The following OCA2 variants were observed in gnomAD, a reference collection of about 807,000 sequenced individuals.
OCA2 encodes OCA2 melanosomal transmembrane protein, also known as P protein.
OCA2 carries 77 observed loss-of-function variants against 100.2 expected under a neutral mutation model. The observed-to-expected ratio is 0.77, with a 90% CI of 0.64 to 0.93. The LOEUF is 0.93. Ranked by LOEUF, OCA2 falls within the 40% of genes least tolerant of loss-of-function variation. The pLI is 0.00. For missense variants in OCA2, 1,062 were observed against 1,089.1 expected (o/e 0.98, Z 0.35); for synonymous variants, 432 against 439.2 (o/e 0.98, Z 0.21).
At chr15:27,738,280 G>A in the OCA2 span, among the ~76,000 whole-genome samples, 1 of 152,166 alleles carries the variant, frequency 6.6e-6, no homozygotes. Context: ...AACCACAGAT[G>A]GTAAATAAAC....
intron 9 of OCA2, among the ~76,000 whole-genome samples, chr15:28,003,641 C>A (rs2041996820): frequency 6.6e-6 from 1 of 150,396 alleles, no homozygotes; most frequent in South Asian, 2.1e-4. Flanking sequence ...GTGAGCCGTG[C>A]GCAGGGCAGT....
chr15:27,965,763 C>T (rs992033241), intron 15 of OCA2, among the ~76,000 whole-genome samples: 1 of 152,222 alleles, frequency 6.6e-6, no homozygotes, highest in Non-Finnish European at 1.5e-5. Context: ...ACCCAGGCAA[C>T]CTGCACAGCA....
At chr15:27,924,832 A>T (rs1044808723) in intron 19 of OCA2, among the ~76,000 whole-genome samples, 1 of 152,174 alleles carries the variant, frequency 6.6e-6, no homozygotes, top group Non-Finnish European at 1.5e-5. Flanking sequence ...TAAGTATTAA[A>T]TGGGGGTGGA....
intron 23 of OCA2, among the ~76,000 whole-genome samples, chr15:27,797,030 G>T (rs1439481506): frequency 1.3e-5 from 2 of 152,176 alleles, no homozygotes; most frequent in Non-Finnish European, 2.9e-5. Context: ...TCAGTCATGA[G>T]CATTTCCTGG....
chr15:27,953,530 T>G (rs1000280955), intron 17 of OCA2, among the ~76,000 whole-genome samples: 1 of 152,174 alleles, frequency 6.6e-6, no homozygotes, highest in Non-Finnish European at 1.5e-5. Flanking sequence ...ATGCGGATTC[T>G]CACCAGGCAT....
At chr15:27,731,032 C>A in the OCA2 span, among the ~76,000 whole-genome samples, 1 of 151,690 alleles carries the variant, frequency 6.6e-6, no homozygotes, top group East Asian at 1.9e-4. Flanking sequence ...TACTTGCAGC[C>A]AAAGTCATCC....
chr15:28,045,100 T>A (rs898183565), intron 2 of OCA2, among the ~76,000 whole-genome samples: 7 of 152,340 alleles, frequency 4.6e-5, no homozygotes, highest in Middle Eastern at 3.4e-3. Flanking sequence ...TATTTGACAA[T>A]CTGTTCCTTG....
chr15:27,826,997 GC>G (rs2034751452), intron 23 of OCA2, among the ~76,000 whole-genome samples: 1 of 152,246 alleles, frequency 6.6e-6, no homozygotes, highest in African/African-American at 2.4e-5. Flanking sequence ...CCGGCAAGAT[GC>G]CCTTCCCTTG....
At chr15:28,067,947 T>C (rs2044076466) in intron 2 of OCA2, among the ~76,000 whole-genome samples, 1 of 152,202 alleles carries the variant, frequency 6.6e-6, no homozygotes, top group Non-Finnish European at 1.5e-5. Context: ...AATCTCCCAC[T>C]ATTATTGTGT....
At chr15:27,976,495 TGC>T (rs1319496637) in intron 14 of OCA2, among the ~76,000 whole-genome samples, 1 of 152,204 alleles carries the variant, frequency 6.6e-6, no homozygotes, top group Non-Finnish European at 1.5e-5. Flanking sequence ...ATGTTTTTTC[TGC>T]ATCTATTGAG....
rs369780564 is a variant in OCA2 at position 27,932,791 on chromosome 15, G to A, written c.1952-6537C>T. Among the ~76,000 whole-genome samples, 15 of 152,242 alleles carry A rather than the reference G, an allele frequency of 9.9e-5. No individual in the cohort carries two copies. In the East Asian group the frequency reaches 2.1e-3, roughly 22 times the overall value. On this transcript the variant is annotated intron_variant, in intron 18 of 23. Transcript: ENST00000354638. ...AACAGAGATTCCAGTGACCATACAT[G>A]ACAAGGAATACAGTCTTTTCAAAAA...
chr15:27,744,692 T>C, the OCA2 span, among the ~76,000 whole-genome samples: 2 of 152,200 alleles, frequency 1.3e-5, no homozygotes, highest in Non-Finnish European at 2.9e-5. Flanking sequence ...CTGTTCGACT[T>C]ATGATTGATT....
intron 18 of OCA2, among the ~76,000 whole-genome samples, chr15:27,947,658 G>A (rs186820269): frequency 7.2e-4 from 109 of 152,320 alleles, no homozygotes; most frequent in African/African-American, 2.6e-3. Context: ...GGCATCCCAC[G>A]GGAAGGAGCT....
intron 19 of OCA2, among the ~76,000 whole-genome samples, chr15:27,913,842 A>AGAAAGAAAGAAAG (rs2038507073): frequency 3.2e-5 from 1 of 31,680 alleles, no homozygotes; most frequent in Non-Finnish European, 5.1e-5. Context: ...AAGAAAGGAA[A>AGAAAGAAAGAAAG]GAAAGAAAGA....
At position 27,989,754 on chromosome 15, in the gene OCA2, C is replaced by T. The variant is rs1005295442; in HGVS notation, c.1117-88G>A. Reference sequence around the variant, plus strand: ...TGAAGCGCTGCCCCCTGCTGCAGACCCACTCAGTGGGCGGGCCAGGGTTGG... The same window carrying T: ...TGAAGCGCTGCCCCCTGCTGCAGACTCACTCAGTGGGCGGGCCAGGGTTGG... On this transcript the variant is annotated intron_variant, in intron 10 of 23. Coordinates refer to ENST00000354638, the MANE Select transcript of OCA2 (RefSeq NM_000275.3). 2.1e-5 allele frequency: 25 copies of T among 1,198,144 alleles called. No homozygotes were observed. The African/African-American group carries it at 3.8e-4, about 18-fold the overall frequency. The allele number at this position is 1,198,144 out of a possible 1,614,324, so 74.2% of individuals were successfully genotyped here.
chr15:28,063,326 T>C (rs1374765811), intron 2 of OCA2, among the ~76,000 whole-genome samples: 2 of 152,186 alleles, frequency 1.3e-5, no homozygotes, highest in Non-Finnish European at 2.9e-5. Context: ...TTCTTGGCGA[T>C]AGCATACAGT....
At chr15:27,749,263 C>G in the OCA2 span, among the ~76,000 whole-genome samples, 1 of 152,158 alleles carries the variant, frequency 6.6e-6, no homozygotes, top group Admixed American at 6.5e-5. Flanking sequence ...ATTTGAATGA[C>G]AGTACATTCC....
At chr15:27,996,559 A>G (rs1228406978) in intron 9 of OCA2, among the ~76,000 whole-genome samples, 1 of 151,104 alleles carries the variant, frequency 6.6e-6, no homozygotes, top group Non-Finnish European at 1.5e-5. Flanking sequence ...TTGAAAGGAT[A>G]AACAAAATTG....
At chr15:27,918,021 C>T (rs2038728032) in intron 19 of OCA2, among the ~76,000 whole-genome samples, 1 of 151,748 alleles carries the variant, frequency 6.6e-6, no homozygotes, top group Non-Finnish European at 1.5e-5. Flanking sequence ...TCTTGCAAAA[C>T]CACAATTCAT....
Sources: allele counts gnomAD v4.1 joint callset (sites outside exome capture counted in the v4.1 genomes callset), GRCh38; gene constraint gnomAD v4.1.1; transcripts MANE v1.5; gene names NCBI Gene and HGNC (gene_info 2026-07-23, HGNC 2026-07-21).